The following SMG1 variants were observed in gnomAD, a reference collection of about 807,000 sequenced individuals.
SMG1 encodes SMG1 nonsense mediated mRNA decay associated PI3K related kinase, also known as serine/threonine-protein kinase SMG1.
A neutral mutation model predicts 419.9 loss-of-function variants in SMG1; 22 were observed. The ratio of observed to expected loss-of-function variants is 0.05; its 90% CI spans 0.04 to 0.07. SMG1 has a LOEUF of 0.07. Among genes scored for constraint, SMG1 ranks in the 10% least tolerant of loss-of-function variants. SMG1 has a pLI of 1.00. For missense variants in SMG1, 3,185 were observed against 4,342.0 expected, an observed-to-expected ratio of 0.73 and a Z score of 7.49; for synonymous variants, 1,538 against 1,553.5, an observed-to-expected ratio of 0.99 and a Z score of 0.23.
chr16:18,809,695 T>C, intron 62 of SMG1, 49 bp from the exon 63 acceptor site: 4 of 1,421,966 alleles, frequency 2.8e-6, no homozygotes, highest in Non-Finnish European at 2.9e-6. Flanking sequence ...AGCTTTTCAA[T>C]TGTCTGCTGA....
At chr16:18,875,712 T>C (rs2036092391) in intron 13 of SMG1, 1 of 211,992 alleles carries the variant, frequency 4.7e-6, no homozygotes, top group Non-Finnish European at 9.3e-6. Context: ...AGCCAAAATA[T>C]AAGACCATGT....
rs748685759 is a variant in SMG1 at position 18,850,408 on chromosome 16, A to C, written c.5112T>G (p.Val1704=). 11 of 1,613,808 alleles carry C rather than the reference A, an allele frequency of 6.8e-6. No homozygotes were observed. Among genetic ancestry groups the C allele is most frequent in the South Asian group, 6.6e-5 (6 of 91,088 alleles). Residue 1704 remains valine, a synonymous_variant, in exon 34 of 63, where the codon GTT becomes GTG. Transcript: ENST00000446231. The part of the protein sequence containing the change: ...ESEDNEEDDM[V]DVIWRQLISS... ...ATATCAACTGACGCCAGATAACATC[A>C]ACCATGTCATCTTCTTCGTTGTCTT... is the stretch of plus-strand genomic sequence containing the variant.
At chr16:18,876,751 C>G (rs2141665202) in intron 12 of SMG1, among the ~76,000 whole-genome samples, 2 of 150,018 alleles carry the variant, frequency 1.3e-5, no homozygotes, top group East Asian at 3.9e-4. Context: ...CCAGGAAAGT[C>G]TGTGGTGGAT....
rs2035063372 is a variant in SMG1 at position 18,858,936 on chromosome 16, T to C, written c.4113+86A>G. On this transcript the variant is annotated intron_variant, in intron 28 of 62. Coordinates refer to ENST00000446231, the MANE Select transcript of SMG1 (RefSeq NM_015092.5). ...CTAGCTTGCCCAGCTACAAATCCTA[T>C]TTCAAAAAACTAAAAAAATAAGGTC... is the stretch of plus-strand genomic sequence containing the variant. 10 of 928,730 alleles carry C rather than the reference T, an allele frequency of 1.1e-5. No homozygotes were observed. The East Asian group carries it at 2.6e-4, about 24-fold the overall frequency. The allele number at this position is 928,730 out of a possible 1,614,324, so 57.5% of individuals were successfully genotyped here.
intron 1 of SMG1, among the ~76,000 whole-genome samples, chr16:18,917,151 ATTTATTTATTT>A (rs1567464001): frequency 1.3e-5 from 2 of 150,528 alleles, no homozygotes; most frequent in Non-Finnish European, 2.9e-5. Flanking sequence ...TAATTAATTT[ATTTATTTATTT>A]ATTTTTTGAG....
Position 18,829,818 on chromosome 16 carries a change from T to C in SMG1, c.9134-63A>G, listed in dbSNP as rs963517294. ...AATCAGGTAATATGCTGCTTATTTA[T>C]AGTATTTAAGGTGTCATGAATGTAT... is the stretch of plus-strand genomic sequence containing the variant. On this transcript the variant is annotated intron_variant, in intron 53 of 62. Coordinates refer to ENST00000446231, the MANE Select transcript of SMG1 (RefSeq NM_015092.5). 19 of 1,485,880 alleles carry C rather than the reference T, an allele frequency of 1.3e-5. No homozygotes were observed. In the Admixed American group the frequency reaches 3.7e-4, roughly 29 times the overall value. 92.0% of individuals were successfully genotyped at this position (1,485,880 alleles called of 1,614,324 possible). A position where few individuals can be genotyped will look rare whatever the true frequency, so the allele number is the denominator to read the frequency against.
chr16:18,880,856 A>AC (rs963742329), intron 10 of SMG1, among the ~76,000 whole-genome samples: 46 of 151,658 alleles, frequency 3.0e-4, no homozygotes, highest in African/African-American at 1.1e-3. Flanking sequence ...AAACACTGAG[A>AC]CCCCATCTCT....
chr16:18,878,531 C>T (rs529169989), intron 11 of SMG1: 5 of 150,488 alleles, frequency 3.3e-5, no homozygotes, highest in African/African-American at 9.8e-5. Context: ...CACTTGAGCC[C>T]AGGAGTTTGA....
At chr16:18,886,802 A>C (rs888060527) in intron 6 of SMG1, among the ~76,000 whole-genome samples, 5 of 151,428 alleles carry the variant, frequency 3.3e-5, no homozygotes, top group African/African-American at 1.2e-4. Context: ...ATTATGTCTC[A>C]AAAAAAAAGA....
rs1444381091 is a variant in SMG1 at position 18,877,392 on chromosome 16, C to T, written c.1519-160G>A. On this transcript the variant is annotated intron_variant, in intron 11 of 62. Coordinates refer to ENST00000446231, the MANE Select transcript of SMG1 (RefSeq NM_015092.5). ...TCTGGAAAAGGCAAAACGACGGAGA[C>T]AGTAAAAAGATCAGGGATTGCCATG... The T allele has an allele frequency of 6.1e-6, 3 of 494,710 alleles. No individual in the cohort carries two copies. The South Asian group carries it at 7.3e-5, about 12-fold the overall frequency. The allele number at this position is 494,710 out of a possible 1,614,324, so 30.6% of individuals were successfully genotyped here.
chr16:18,861,143 G>T (rs1042397953), intron 25 of SMG1: 2 of 148,418 alleles, frequency 1.3e-5, no homozygotes, highest in Non-Finnish European at 2.8e-5. Flanking sequence ...AGCTGCCAGT[G>T]AGCTCCCTGT....
chr16:18,912,345 CAATT>C (rs967993993), intron 1 of SMG1, among the ~76,000 whole-genome samples: 32 of 151,738 alleles, frequency 2.1e-4, no homozygotes, highest in Admixed American at 1.8e-3. Context: ...GTATTTCAAA[CAATT>C]AAGAGTAAAT....
chr16:18,910,606 C>A (rs1008148627), intron 1 of SMG1, among the ~76,000 whole-genome samples: 5 of 151,866 alleles, frequency 3.3e-5, no homozygotes, highest in African/African-American at 1.2e-4. Flanking sequence ...CTCAAGTGAT[C>A]CACCCACCTC....
intron 1 of SMG1, among the ~76,000 whole-genome samples, chr16:18,898,984 A>T (rs2037241976): frequency 6.6e-6 from 1 of 152,204 alleles, no homozygotes; most frequent in African/African-American, 2.4e-5. Context: ...TACCTACCTA[A>T]CATGCAAGGT....
At chr16:18,816,760 A>C (rs1308916316) in intron 57 of SMG1, among the ~76,000 whole-genome samples, 4 of 152,214 alleles carry the variant, frequency 2.6e-5, no homozygotes, top group African/African-American at 9.6e-5. Context: ...TAAATGCTTA[A>C]AGTTTAAGAC....
chr16:18,805,379 T>C lies in SMG1; in HGVS notation c.*4190A>G, dbSNP rs187674470. The C allele has an allele frequency of 5.9e-5, 9 of 152,264 alleles. No individual in the cohort carries two copies. The highest frequency in any genetic ancestry group is 1.7e-4 in the African/African-American group (7 of 41,476). 9.4% of individuals were successfully genotyped at this position (152,264 alleles called of 1,614,324 possible). On this transcript the variant is annotated 3_prime_UTR_variant, in exon 63 of 63. Coordinates refer to ENST00000446231, the MANE Select transcript of SMG1 (RefSeq NM_015092.5). ...ATCTTCAAAAATCTTCTAAATTGTA[T>C]GACACTTTTACATTAGCACAACAAA...
rs767482048 is a variant in SMG1, at chr16:18,811,938, A to G, written c.10801+10T>C. 9.3e-6 allele frequency: 15 copies of G among 1,612,880 alleles called. No homozygotes were observed. Among genetic ancestry groups the G allele is most frequent in the South Asian group, 2.2e-5 (2 of 90,914 alleles). ...TAAAAATTTAAGGCATCTTTATTCTAACTAATTACCTTTCCCAGTTTTAGG... is the reference window on the plus strand; with the variant it reads ...TAAAAATTTAAGGCATCTTTATTCTGACTAATTACCTTTCCCAGTTTTAGG... On this transcript the variant is annotated intron_variant, in intron 61 of 62. Coordinates refer to ENST00000446231, the MANE Select transcript of SMG1 (RefSeq NM_015092.5).
At chr16:18,867,700 CTTTTTTTTTTTTT>C (rs778044384) in intron 22 of SMG1, among the ~76,000 whole-genome samples, 2 of 87,882 alleles carry the variant, frequency 2.3e-5, no homozygotes, top group South Asian at 4.3e-4. Context: ...ATTTTAACTT[CTTTTTTTTTTTTT>C]TTTTTTTTTT....
intron 50 of SMG1, 24 bp from the exon 51 acceptor site, chr16:18,833,190 T>A: frequency 6.3e-7 from 1 of 1,581,582 alleles, no homozygotes. Flanking sequence ...AGAAAAAAAC[T>A]TTTAATGTTT....
Sources: allele counts gnomAD v4.1 joint callset (sites outside exome capture counted in the v4.1 genomes callset), GRCh38; gene constraint gnomAD v4.1.1; transcripts MANE v1.5; gene names NCBI Gene and HGNC (gene_info 2026-07-23, HGNC 2026-07-21).